The following IGSF3 variants were observed in gnomAD, a reference collection of about 807,000 sequenced individuals.
The protein encoded by IGSF3 is glu-Trp-Ile EWI motif-containing protein 3.
IGSF3 carries 23 observed loss-of-function variants against 114.4 expected under a neutral mutation model. That is an observed-to-expected ratio of 0.20 (90% CI 0.14 to 0.28). The LOEUF is 0.28. Among genes scored for constraint, IGSF3 ranks in the 10% least tolerant of loss-of-function variants. IGSF3 has a pLI of 1.00. For synonymous variants in IGSF3, 571 were observed against 645.2 expected, an observed-to-expected ratio of 0.88 and a Z score of 1.74; for missense variants, 1,172 against 1,591.5, an observed-to-expected ratio of 0.74 and a Z score of 4.48.
In IGSF3 at chr1:116,588,811, T is replaced by C. The variant is rs1385604019; in HGVS notation, c.2323A>G (p.Ser775Gly). Residue 775 changes from serine to glycine, a missense_variant, in exon 8 of 11, where the codon AGC (serine) becomes GGC (glycine). Transcript: ENST00000369486. The surrounding 1 kb of genome is among the most constrained non-coding windows in gnomAD (Gnocchi z 4.9). ...FSLTVQRAEV[S>G]DSGSYYCHVE... ...TGGCAGTAGTAGCTGCCGCTGTCGC[T>C]GACCTCGGCTCTCTGGACGGTGAGG... 1 of 1,614,154 alleles carries C rather than the reference T, an allele frequency of 6.2e-7. No individual in the cohort carries two copies. The highest frequency in any genetic ancestry group is 2.2e-5 in the East Asian group (1 of 44,882).
At chr1:116,640,707 T>C (rs1384770327) in intron 2 of IGSF3, among the ~76,000 whole-genome samples, 2 of 152,216 alleles carry the variant, frequency 1.3e-5, no homozygotes, top group African/African-American at 4.8e-5. Flanking sequence ...ACTGATAAAT[T>C]TTTAAGTGGT....
intron 2 of IGSF3, among the ~76,000 whole-genome samples, chr1:116,623,077 C>A (rs1277990460): frequency 6.6e-6 from 1 of 152,240 alleles, no homozygotes; most frequent in Admixed American, 6.5e-5. Context: ...ACAGGCACAT[C>A]GGTGACAACT....
intron 2 of IGSF3, among the ~76,000 whole-genome samples, chr1:116,658,287 G>A (rs865860394): frequency 3.3e-5 from 5 of 152,034 alleles, no homozygotes; most frequent in Non-Finnish European, 7.4e-5. Context: ...CGATCCACCC[G>A]CCTCGGCCTC....
rs1399087884 is a variant in IGSF3 at position 116,577,718 on chromosome 1, A to G, written c.3335-156T>C. ...CTGCTACCATTAATGGTGGAAGATGACCCTTATATTCTTTTTCTCGCAACA... is the reference window on the plus strand; with the variant it reads ...CTGCTACCATTAATGGTGGAAGATGGCCCTTATATTCTTTTTCTCGCAACA... On this transcript the variant is annotated intron_variant, in intron 10 of 10. Coordinates refer to ENST00000369486, the MANE Select transcript of IGSF3 (RefSeq NM_001007237.3). The surrounding 1 kb of genome is among the most constrained non-coding windows in gnomAD (Gnocchi z 5.7). Among the ~76,000 whole-genome samples, 2 of 151,974 alleles carry G rather than the reference A, an allele frequency of 1.3e-5. No homozygotes were observed. Among genetic ancestry groups the G allele is most frequent in the Non-Finnish European group, 2.9e-5 (2 of 67,992 alleles).
intron 9 of IGSF3, among the ~76,000 whole-genome samples, chr1:116,580,964 G>A (rs1659579904): frequency 1.3e-5 from 2 of 152,224 alleles, no homozygotes; most frequent in South Asian, 2.1e-4. Context: ...CTGGCCTGCA[G>A]AACTGTAAGA....
chr1:116,619,514 C>T (rs1661341628), intron 2 of IGSF3, among the ~76,000 whole-genome samples: 1 of 152,240 alleles, frequency 6.6e-6, no homozygotes, highest in African/African-American at 2.4e-5. Context: ...TAATTTCCCT[C>T]TGCCCCACAA....
chr1:116,584,998 C>T lies in IGSF3; in HGVS notation c.2495G>A (p.Arg832Gln), dbSNP rs765038262. 21 of 1,578,016 alleles carry T rather than the reference C, an allele frequency of 1.3e-5. No individual in the cohort carries two copies. The highest frequency in any genetic ancestry group is 1.7e-4 in the Middle Eastern group (1 of 5,906). ...AQGNLSVLET[R>Q]QVQLECVVLN... ...AACCACACACTCCAGCTGTACCTGC[C>T]GGGTCTCCAGAACCGACAGGTTCCC... is the stretch of plus-strand genomic sequence containing the variant. The change falls in exon 9 of 11, where the codon CGG becomes CAG. Residue 832 changes from arginine (R) to glutamine (Q), a missense_variant. Transcript: ENST00000369486. This position sits in a 1 kb window ranked among gnomAD's most constrained non-coding sequence, Gnocchi z 5.8.
In IGSF3 at chr1:116,575,428, T is replaced by C. The variant is rs556335923; in HGVS notation, c.*1884A>G. On this transcript the variant is annotated 3_prime_UTR_variant, in exon 11 of 11. Coordinates refer to ENST00000369486, the MANE Select transcript of IGSF3 (RefSeq NM_001007237.3). This position sits in a 1 kb window ranked among gnomAD's most constrained non-coding sequence, Gnocchi z 5.6. Reference sequence around the variant, plus strand: ...GAAAATGGCTGAGCAATCGCCACCATGCTCCCCTCAGCTGGGAATCAGCAA... The same window carrying C: ...GAAAATGGCTGAGCAATCGCCACCACGCTCCCCTCAGCTGGGAATCAGCAA... The C allele has an allele frequency of 1.2e-4, 18 of 152,914 alleles. No homozygotes were observed. The highest frequency in any genetic ancestry group is 3.8e-4 in the African/African-American group (16 of 41,574). 9.5% of individuals were successfully genotyped at this position (152,914 alleles called of 1,614,324 possible). A position where few individuals can be genotyped will look rare whatever the true frequency, so the allele number is the denominator to read the frequency against.
At position 116,642,443 on chromosome 1, in the gene IGSF3, G is replaced by A. The variant is rs1335460620; in HGVS notation, c.43+23841C>T. Among the ~76,000 whole-genome samples, 2 of 152,164 alleles carry A rather than the reference G, an allele frequency of 1.3e-5. No homozygotes were observed. The highest frequency in any genetic ancestry group is 1.3e-4 in the Admixed American group (2 of 15,280). ...GAGGCGGGAGTCCCCACGCTTAGGG[G>A]AAGGGGCTCAGGCACTGGGAGTCGG... On this transcript the variant is annotated intron_variant, in intron 2 of 10. Transcript: ENST00000369486. The surrounding 1 kb of genome is among the most constrained non-coding windows in gnomAD (Gnocchi z 5.4).
chr1:116,649,727 C>T lies in IGSF3; in HGVS notation c.43+16557G>A, dbSNP rs1340236207. On this transcript the variant is annotated intron_variant, in intron 2 of 10. Coordinates refer to ENST00000369486, the MANE Select transcript of IGSF3 (RefSeq NM_001007237.3). This position sits in a 1 kb window ranked among gnomAD's most constrained non-coding sequence, Gnocchi z 4.5. ...TGGTACCCAGCTACTTAATCCTTAT[C>T]CTTCTTCCCAAGGCCCACTTTCATT... is the stretch of plus-strand genomic sequence containing the variant. 6.6e-6 allele frequency among the ~76,000 whole-genome samples: 1 copy of T among 152,232 alleles called. No homozygotes were observed. The highest frequency in any genetic ancestry group is 2.1e-4 in the South Asian group (1 of 4,828).
rs1660359393 is a variant in IGSF3, at chr1:116,596,671, T to A, written c.2029+3270A>T. ...AGTATACAGTACCAAAGAGGATTCCTGAGAAGAAAAACACTTGTCTAGAAC... is the reference window on the plus strand; with the variant it reads ...AGTATACAGTACCAAAGAGGATTCCAGAGAAGAAAAACACTTGTCTAGAAC... On this transcript the variant is annotated intron_variant, in intron 7 of 10. Transcript: ENST00000369486. The surrounding 1 kb of genome is among the most constrained non-coding windows in gnomAD (Gnocchi z 4.1). 2.0e-5 allele frequency among the ~76,000 whole-genome samples: 3 copies of A among 152,170 alleles called. No individual in the cohort carries two copies. The highest frequency in any genetic ancestry group is 4.4e-5 in the Non-Finnish European group (3 of 68,034).
chr1:116,574,741 C>T lies in IGSF3; in HGVS notation c.*2571G>A, dbSNP rs1207810232. On this transcript the variant is annotated 3_prime_UTR_variant, in exon 11 of 11. Coordinates refer to ENST00000369486, the MANE Select transcript of IGSF3 (RefSeq NM_001007237.3). The surrounding 1 kb of genome is among the most constrained non-coding windows in gnomAD (Gnocchi z 5.2). ...TCCAGAGTATTCAGCAGTTTTCCTC[C>T]GTCTCAGAAGACTAAAGCTCCAGTA... The T allele has an allele frequency of 3.3e-5, 5 of 152,550 alleles. No individual in the cohort carries two copies. The highest frequency in any genetic ancestry group is 7.3e-5 in the Non-Finnish European group (5 of 68,028). 9.4% of individuals were successfully genotyped at this position (152,550 alleles called of 1,614,324 possible).
chr1:116,599,910 G>A lies in IGSF3; in HGVS notation c.2029+31C>T, dbSNP rs6428665. The stretch of plus-strand genomic sequence containing the variant: ...CCCTCACGTCTGCTCAGGCAGCATG[G>A]GCACATAGCCCACAGGTCCGCAGCA... On this transcript the variant is annotated intron_variant, in intron 7 of 10. Transcript: ENST00000369486. The A allele has an allele frequency of 3.6e-3, 5,654 of 1,587,918 alleles. 162 individuals are homozygous for A. In the African/African-American group the frequency reaches 0.069, roughly 19 times the overall value.
intron 2 of IGSF3, among the ~76,000 whole-genome samples, chr1:116,643,602 G>A (rs1648208995): frequency 6.6e-6 from 1 of 152,256 alleles, no homozygotes; most frequent in South Asian, 2.1e-4. Flanking sequence ...TCCTCCTGGG[G>A]ATGCAGGCAC....
intron 6 of IGSF3, among the ~76,000 whole-genome samples, chr1:116,601,806 T>C (rs1360464098): frequency 6.6e-6 from 1 of 152,166 alleles, no homozygotes; most frequent in African/African-American, 2.4e-5. Context: ...CACCTGTGTG[T>C]AGTAGGTGTT....
In IGSF3 at chr1:116,655,463, A is replaced by C. The variant is rs544629969; in HGVS notation, c.43+10821T>G. ...TCTTGCTCCCAGAGGTTTTAAAGAA[A>C]GTCATTCCCGTGAACGTTGAGAAGT... is the stretch of plus-strand genomic sequence containing the variant. On this transcript the variant is annotated intron_variant, in intron 2 of 10. Transcript: ENST00000369486. The surrounding 1 kb of genome is among the most constrained non-coding windows in gnomAD (Gnocchi z 4.3). Among the ~76,000 whole-genome samples the C allele has an allele frequency of 1.3e-5, 2 of 152,354 alleles. No homozygotes were observed. Among genetic ancestry groups the C allele is most frequent in the South Asian group, 4.1e-4 (2 of 4,820 alleles).
In IGSF3 at chr1:116,614,326, A is replaced by C. The variant is rs1661137824; in HGVS notation, c.422-151T>G. The stretch of plus-strand genomic sequence containing the variant: ...GATTCAAGGCCACAGACAGCCCCAA[A>C]TGCACATAAACAGAAAGTTTTCTGT... On this transcript the variant is annotated intron_variant, in intron 3 of 10. Transcript: ENST00000369486. The surrounding 1 kb of genome is among the most constrained non-coding windows in gnomAD (Gnocchi z 4.5). The C allele has an allele frequency of 1.6e-6, 1 of 636,064 alleles. No individual in the cohort carries two copies. Among genetic ancestry groups the C allele is most frequent in the Non-Finnish European group, 2.8e-6 (1 of 361,630 alleles). 39.4% of individuals were successfully genotyped at this position (636,064 alleles called of 1,614,324 possible). A position where few individuals can be genotyped will look rare whatever the true frequency, so the allele number is the denominator to read the frequency against.
chr1:116,639,078 A>G (rs1211939530), intron 2 of IGSF3, among the ~76,000 whole-genome samples: 2 of 152,240 alleles, frequency 1.3e-5, no homozygotes, highest in Non-Finnish European at 2.9e-5. Flanking sequence ...GACTGCCACA[A>G]TCAGAGTCTG....
At chr1:116,619,268 G>A (rs949576426) in intron 2 of IGSF3, among the ~76,000 whole-genome samples, 6 of 152,130 alleles carry the variant, frequency 3.9e-5, no homozygotes, top group African/African-American at 1.2e-4. Context: ...AGGCAATAAC[G>A]AGTTTAACCA....
Sources: allele counts gnomAD v4.1 joint callset (sites outside exome capture counted in the v4.1 genomes callset), GRCh38; gene constraint gnomAD v4.1.1; non-coding constraint Gnocchi (gnomAD v3.1); transcripts MANE v1.5; gene names NCBI Gene and HGNC (gene_info 2026-07-23, HGNC 2026-07-21).